Variants in SLC37A3 observed in about 807,000 individuals in gnomAD.
SLC37A3 encodes the protein sugar phosphate exchanger 3.
A neutral mutation model predicts 67.1 loss-of-function variants in SLC37A3; 51 were observed. The observed-to-expected ratio is 0.76, with a 90% CI of 0.61 to 0.96. The LOEUF (loss-of-function observed/expected upper bound fraction) is 0.96, where lower values mean the gene tolerates loss of function less well. Ranked by LOEUF, SLC37A3 falls within the 40% of genes least tolerant of loss-of-function variation. The probability of loss-of-function intolerance (pLI) is 0.00; values close to 1 mark genes in which losing one functional copy is unlikely to be tolerated. For missense variants in SLC37A3, 508 were observed against 603.0 expected (o/e 0.84, Z 1.65); for synonymous variants, 214 against 231.4 (o/e 0.92, Z 0.68).
chr7:140,379,477 GA>G (rs58367114), intron 3 of SLC37A3: 21,839 of 85,090 alleles, frequency 0.26, 2,109 homozygotes, highest in African/African-American at 0.4. Flanking sequence ...TCTGTCTCAA[GA>G]AAAAAAAAAA....
At chr7:140,396,375 C>G (rs9640466) in intron 1 of SLC37A3, among the ~76,000 whole-genome samples, 49,791 of 152,060 alleles carry the variant, frequency 0.33, 8,809 homozygotes, top group Non-Finnish European at 0.4. Flanking sequence ...TTTACTTGAA[C>G]CTCATAAATC....
intron 1 of SLC37A3, among the ~76,000 whole-genome samples, chr7:140,389,890 G>T (rs896578449): frequency 1.3e-5 from 2 of 152,128 alleles, no homozygotes; most frequent in Admixed American, 6.5e-5. Context: ...GAGGCCAGTA[G>T]TTCAATATCA....
At chr7:140,377,053 C>T (rs74454744) in intron 3 of SLC37A3, among the ~76,000 whole-genome samples, 4 of 151,234 alleles carry the variant, frequency 2.6e-5, no homozygotes, top group Non-Finnish European at 5.9e-5. Flanking sequence ...AAGCCATTCT[C>T]CTGCCTCAGC....
intron 9 of SLC37A3, among the ~76,000 whole-genome samples, chr7:140,350,898 A>G (rs551175592): frequency 6.6e-6 from 1 of 152,270 alleles, no homozygotes; most frequent in South Asian, 2.1e-4. Flanking sequence ...AAAATTATCA[A>G]TTTTGCCTTT....
At chr7:140,392,281 A>G (rs1455104153) in intron 1 of SLC37A3, among the ~76,000 whole-genome samples, 3 of 152,330 alleles carry the variant, frequency 2.0e-5, no homozygotes, top group Non-Finnish European at 2.9e-5. Flanking sequence ...TCCCTATCTC[A>G]GCAAAGGTAC....
intron 8 of SLC37A3, 159 bp downstream of exon 8, chr7:140,351,903 A>G (rs887986209): frequency 3.9e-6 from 3 of 759,982 alleles, no homozygotes; most frequent in African/African-American, 1.7e-5. Context: ...GGCTGGCTAC[A>G]ATGTCGACAG....
chr7:140,396,560 G>C (rs1489274372), intron 1 of SLC37A3, among the ~76,000 whole-genome samples: 1 of 152,040 alleles, frequency 6.6e-6, no homozygotes, highest in East Asian at 1.9e-4. Context: ...AAGACAACTA[G>C]TTTTCAAGAT....
chr7:140,367,445 T>C (rs1219006140), intron 4 of SLC37A3, among the ~76,000 whole-genome samples: 2 of 152,058 alleles, frequency 1.3e-5, no homozygotes, highest in South Asian at 2.1e-4. Context: ...CAAAAAATAA[T>C]AATACAATAA....
In SLC37A3 at chr7:140,364,452, A is replaced by C; in HGVS notation, c.331T>G (p.Leu111Val). 1 of 1,614,102 alleles carries C rather than the reference A, an allele frequency of 6.2e-7. No homozygotes were observed. The highest frequency in any genetic ancestry group is 8.5e-7 in the Non-Finnish European group (1 of 1,180,024). The change falls in exon 5 of 15, where the codon TTG (leucine) becomes GTG (valine). Residue 111 changes from leucine to valine, a missense_variant. Leu to Val is a conservative substitution (Grantham distance 32). Transcript: ENST00000326232. ...ATGCCAAAAGACAGAACCCATCGCA[A>C]ATTCAACCGATCCCCAACGATGCCA... ...ISGIVGDRLN[L>V]RWVLSFGMCS...
At chr7:140,374,685 A>G (rs1368378846) in intron 3 of SLC37A3, among the ~76,000 whole-genome samples, 3 of 151,952 alleles carry the variant, frequency 2.0e-5, no homozygotes, top group African/African-American at 7.2e-5. Context: ...TCTCTACAAA[A>G]ATAAAAATAA....
chr7:140,391,412 G>A (rs969983531), intron 1 of SLC37A3, among the ~76,000 whole-genome samples: 2 of 152,164 alleles, frequency 1.3e-5, no homozygotes, highest in Non-Finnish European at 2.9e-5. Flanking sequence ...AAAATTAGCC[G>A]GTTGTGGCGG....
chr7:140,382,341 G>C (rs1304573621), intron 2 of SLC37A3, 97 bp downstream of exon 2: 1 of 963,982 alleles, frequency 1.0e-6, no homozygotes, highest in African/African-American at 1.6e-5. Context: ...AACATTATAA[G>C]TGTATGCCCA....
chr7:140,357,162 C>T (rs75264400), intron 6 of SLC37A3, among the ~76,000 whole-genome samples: 15,336 of 151,896 alleles, frequency 0.1, 839 homozygotes, highest in South Asian at 0.19. Flanking sequence ...TGAGGTGAGC[C>T]GAGATCACGC....
chr7:140,338,764 G>A (rs758010234), intron 13 of SLC37A3, among the ~76,000 whole-genome samples: 1 of 148,906 alleles, frequency 6.7e-6, no homozygotes, highest in Middle Eastern at 3.8e-3. Flanking sequence ...GAGCCACTGC[G>A]CCCGGACTTT....
chr7:140,335,343 T>TAGGGC lies in SLC37A3; in HGVS notation c.*64_*68dup, dbSNP rs765446872. On this transcript the variant is annotated 3_prime_UTR_variant, in exon 15 of 15. Transcript: ENST00000326232. ...CTGGAGCTCCTAGACAAACCCAAAT[T>TAGGGC]AGGGCAGACTCGAAGCCCCAGCGGT... The TAGGGC allele has an allele frequency of 1.2e-6, 2 of 1,614,012 alleles. No homozygotes were observed. Among genetic ancestry groups the TAGGGC allele is most frequent in the South Asian group, 2.2e-5 (2 of 91,064 alleles).
intron 1 of SLC37A3, among the ~76,000 whole-genome samples, chr7:140,387,720 AT>A (rs1299166201): frequency 7.0e-5 from 7 of 100,034 alleles, no homozygotes; most frequent in South Asian, 2.6e-4. Context: ...TATACTATAT[AT>A]ATTATATAAA....
At chr7:140,353,725 T>C (rs535793375) in intron 7 of SLC37A3, among the ~76,000 whole-genome samples, 1 of 152,034 alleles carries the variant, frequency 6.6e-6, no homozygotes, top group Non-Finnish European at 1.5e-5. Flanking sequence ...GTTTTGTTTT[T>C]TTTTTGATAC....
chr7:140,351,856 T>C, intron 8 of SLC37A3: 1 of 663,536 alleles, frequency 1.5e-6, no homozygotes, highest in Admixed American at 2.5e-5. Context: ...ATAAAAGACG[T>C]GCATCACTCC....
intron 1 of SLC37A3, among the ~76,000 whole-genome samples, chr7:140,392,719 A>C (rs1432169119): frequency 1.1e-4 from 16 of 152,180 alleles, no homozygotes; most frequent in Admixed American, 1.0e-3. Context: ...AGCCTGCCTG[A>C]GCCAATATCT....
Sources: allele counts gnomAD v4.1 joint callset (sites outside exome capture counted in the v4.1 genomes callset), GRCh38; gene constraint gnomAD v4.1.1; transcripts MANE v1.5; gene names NCBI Gene and HGNC (gene_info 2026-07-23, HGNC 2026-07-21).